COPG2: variants seen among roughly 807,000 people sequenced by gnomAD.
The protein encoded by COPG2 is coatomer subunit gamma-2.
Under a neutral mutation model 46.3 loss-of-function variants are expected in COPG2, and 37 were observed. The ratio of observed to expected loss-of-function variants is 0.80; its 90% CI spans 0.61 to 1.05. The LOEUF (loss-of-function observed/expected upper bound fraction) is 1.05, where lower values mean the gene tolerates loss of function less well. COPG2 is among the 50% of genes least tolerant of loss of function. COPG2 has a pLI of 0.00. For synonymous variants in COPG2, 159 were observed against 129.7 expected (o/e 1.23, Z -1.53); for missense variants, 427 against 387.8 (o/e 1.10, Z -0.85).
intron 9 of COPG2, among the ~76,000 whole-genome samples, chr7:130,590,784 T>TCATCTGAGATGTGGGGAGCGTCTCTGCCC (rs1794387804): frequency 6.7e-6 from 1 of 149,372 alleles, no homozygotes; most frequent in Non-Finnish European, 1.5e-5. Context: ...CGTCTCTGCC[T>TCATCTGAGATGTGGGGAGCGTCTCTGCCC]GGCCGCCCAT....
At chr7:130,549,169 G>C in intron 18 of COPG2, 145 bp downstream of exon 18, 1 of 396,454 alleles carries the variant, frequency 2.5e-6, no homozygotes, top group Non-Finnish European at 4.4e-6. Flanking sequence ...ACTCCAGGTA[G>C]CCTCAGCAAC....
chr7:130,648,000 G>A (rs1795652571), intron 5 of COPG2, among the ~76,000 whole-genome samples: 1 of 152,040 alleles, frequency 6.6e-6, no homozygotes, highest in Non-Finnish European at 1.5e-5. Context: ...AAAGTGCTGG[G>A]ATTACACGCG....
intron 14 of COPG2, among the ~76,000 whole-genome samples, chr7:130,553,677 C>T (rs1793570464): frequency 6.6e-6 from 1 of 152,060 alleles, no homozygotes; most frequent in Non-Finnish European, 1.5e-5. Context: ...TAGCAGAGCT[C>T]TGAAAATGAT....
At chr7:130,606,017 G>C (rs1794721395) in intron 9 of COPG2, among the ~76,000 whole-genome samples, 1 of 152,116 alleles carries the variant, frequency 6.6e-6, no homozygotes, top group Admixed American at 6.5e-5. Flanking sequence ...GAGCATGATG[G>C]AGGAAGCCTA....
intron 5 of COPG2, among the ~76,000 whole-genome samples, chr7:130,636,146 G>A (rs1309431837): frequency 2.0e-5 from 3 of 152,146 alleles, no homozygotes; most frequent in Admixed American, 6.5e-5. Context: ...TTTAGAATAT[G>A]TCCAATGTGG....
intron 9 of COPG2, among the ~76,000 whole-genome samples, chr7:130,588,172 A>G (rs1234088666): frequency 1.3e-5 from 2 of 151,642 alleles, no homozygotes; most frequent in African/African-American, 4.8e-5. Context: ...ATGTGGAGAA[A>G]TAGGAACACT....
intron 5 of COPG2, among the ~76,000 whole-genome samples, chr7:130,652,013 C>A (rs1460545460): frequency 1.3e-5 from 2 of 152,156 alleles, no homozygotes; most frequent in Non-Finnish European, 2.9e-5. Context: ...CCCCATTTAG[C>A]ACTTTATGAA....
intron 9 of COPG2, among the ~76,000 whole-genome samples, chr7:130,577,071 A>G (rs960114810): frequency 6.6e-6 from 1 of 152,260 alleles, no homozygotes; most frequent in African/African-American, 2.4e-5. Flanking sequence ...AGGAAGAATT[A>G]GATCCCCTGA....
rs1484697492 is a variant in COPG2 at position 130,611,039 on chromosome 7, C to T, written c.651G>A (p.Lys217=). 3 of 1,613,854 alleles carry T rather than the reference C, an allele frequency of 1.9e-6. No homozygotes were observed. Among genetic ancestry groups the T allele is most frequent in the Non-Finnish European group, 2.5e-6 (3 of 1,179,844 alleles). The change falls in exon 9 of 24, where the codon AAG becomes AAA. Residue 217 remains lysine, a synonymous_variant. Transcript: ENST00000425248. ...DRLAVSKMLN[K]FTKSGLKSQF... is the part of the protein sequence containing the mutation. ...GTGACTTGAGACCAGATTTAGTAAACTTATTCAACATCTTGGAAACAGCAA... is the reference window on the plus strand; with the variant it reads ...GTGACTTGAGACCAGATTTAGTAAATTTATTCAACATCTTGGAAACAGCAA...
At chr7:130,531,838 TG>T (rs1183263949) in intron 20 of COPG2, among the ~76,000 whole-genome samples, 41 of 40,218 alleles carry the variant, frequency 1.0e-3, no homozygotes, top group Admixed American at 1.5e-3. Context: ...TTATCTGGGA[TG>T]GGGGGGTGGG....
intron 5 of COPG2, among the ~76,000 whole-genome samples, chr7:130,628,167 A>C (rs1409469436): frequency 1.3e-5 from 2 of 152,166 alleles, no homozygotes; most frequent in South Asian, 4.2e-4. Context: ...CAGTTTTATT[A>C]TTCCTCAAAT....
intron 5 of COPG2, among the ~76,000 whole-genome samples, chr7:130,623,631 G>C (rs1459610023): frequency 2.0e-5 from 3 of 151,962 alleles, no homozygotes; most frequent in Admixed American, 6.6e-5. Flanking sequence ...GGATTCCATT[G>C]AATTTATAAA....
intron 7 of COPG2, among the ~76,000 whole-genome samples, chr7:130,612,541 A>G (rs797026588): frequency 7.2e-5 from 11 of 152,322 alleles, no homozygotes; most frequent in African/African-American, 2.2e-4. Context: ...TAACGTTATC[A>G]TAACAAGCTT....
intron 5 of COPG2, among the ~76,000 whole-genome samples, chr7:130,626,834 G>A (rs1040857245): frequency 6.6e-6 from 1 of 151,920 alleles, no homozygotes; most frequent in Non-Finnish European, 1.5e-5. Context: ...TTTATGTTGT[G>A]GTGGTCCTTT....
chr7:130,638,489 C>T (rs1795390738), intron 5 of COPG2, among the ~76,000 whole-genome samples: 1 of 152,152 alleles, frequency 6.6e-6, no homozygotes, highest in Admixed American at 6.5e-5. Context: ...GTGGGTTCCG[C>T]CCAGTTCAAA....
chr7:130,640,367 CCTA>C lies in COPG2; in HGVS notation c.323+12499_323+12501del, dbSNP rs139639938. Among the ~76,000 whole-genome samples, 705 of 151,714 alleles carry C rather than the reference CCTA, an allele frequency of 4.6e-3. 4 individuals are homozygous for C. The highest frequency in any genetic ancestry group is 7.1e-3 in the Non-Finnish European group (479 of 67,926). On this transcript the variant is annotated intron_variant, in intron 5 of 23. Coordinates refer to ENST00000425248, the MANE Select transcript of COPG2 (RefSeq NM_012133.6). ...AGTATTGTTTTCTCTCCCTAATTCACCTACTATATTTACTATTTGGAGGCTTCA... is the reference window on the plus strand; with the variant it reads ...AGTATTGTTTTCTCTCCCTAATTCACCTATATTTACTATTTGGAGGCTTCA...
At chr7:130,526,261 A>G (rs962260322) in intron 20 of COPG2, among the ~76,000 whole-genome samples, 6 of 152,272 alleles carry the variant, frequency 3.9e-5, no homozygotes, top group African/African-American at 1.4e-4. Context: ...AGAAGGTGGG[A>G]TAGAGAGAGG....
At chr7:130,524,674 C>T (rs938047326) in intron 20 of COPG2, among the ~76,000 whole-genome samples, 9 of 152,090 alleles carry the variant, frequency 5.9e-5, no homozygotes, top group East Asian at 3.9e-4. Flanking sequence ...AAGTGTGTGA[C>T]GCAGTTCATG....
At chr7:130,508,247 C>G (rs939632942) in intron 21 of COPG2, 10 of 264,590 alleles carry the variant, frequency 3.8e-5, no homozygotes, top group Non-Finnish European at 6.4e-5. Flanking sequence ...AACCCCCTCC[C>G]CAAATCATTT....
Sources: allele counts gnomAD v4.1 joint callset (sites outside exome capture counted in the v4.1 genomes callset), GRCh38; gene constraint gnomAD v4.1.1; transcripts MANE v1.5; gene names NCBI Gene and HGNC (gene_info 2026-07-23, HGNC 2026-07-21).